The following SPTSSA variants were observed in gnomAD, a reference collection of about 807,000 sequenced individuals.
The protein encoded by SPTSSA is small subunit of serine palmitoyltransferase A.
In SPTSSA, 8 loss-of-function variants were observed where a neutral mutation model predicts 9.1. The observed-to-expected ratio is 0.88, with a 90% CI of 0.51 to 1.58. The LOEUF is 1.58. Among genes scored for constraint, SPTSSA ranks in the 40% most tolerant of loss-of-function variants. The probability of loss-of-function intolerance (pLI) is 0.00; values close to 1 mark genes in which losing one functional copy is unlikely to be tolerated. For synonymous variants in SPTSSA, 42 were observed against 37.7 expected (o/e 1.11, Z -0.41); for missense variants, 100 against 93.8 (o/e 1.07, Z -0.27).
chr14:34,442,149 T>C (rs1306633892), intron 1 of SPTSSA, among the ~76,000 whole-genome samples: 2 of 152,222 alleles, frequency 1.3e-5, no homozygotes, highest in African/African-American at 2.4e-5. Context: ...GTGCTGCCAT[T>C]ACAGGTGTGA....
At chr14:34,461,340 G>A (rs1259080927) in intron 1 of SPTSSA, among the ~76,000 whole-genome samples, 1 of 152,176 alleles carries the variant, frequency 6.6e-6, no homozygotes, top group African/African-American at 2.4e-5. Flanking sequence ...AGTTAGATGA[G>A]TTAAGATACA....
intron 1 of SPTSSA, among the ~76,000 whole-genome samples, chr14:34,449,542 A>T: frequency 8.0e-6 from 1 of 125,064 alleles, no homozygotes; most frequent in South Asian, 2.5e-4. Flanking sequence ...CTTGCTCTGT[A>T]TCCAGGCCTG....
rs1394981548 is a variant in SPTSSA, at chr14:34,435,160, G to A, written c.*41C>T. ...TGGTCTCATTCCAACTTCGTAGGGTGGGTCTTCCCCAAGGAACCTCTGATC... is the reference window on the plus strand; with the variant it reads ...TGGTCTCATTCCAACTTCGTAGGGTAGGTCTTCCCCAAGGAACCTCTGATC... On this transcript the variant is annotated 3_prime_UTR_variant, in exon 2 of 2. Coordinates refer to ENST00000298130, the MANE Select transcript of SPTSSA (RefSeq NM_138288.4). 2.0e-6 allele frequency: 3 copies of A among 1,519,854 alleles called. No individual in the cohort carries two copies. The highest frequency in any genetic ancestry group is 1.8e-6 in the Non-Finnish European group (2 of 1,099,382). 94.1% of individuals were successfully genotyped at this position (1,519,854 alleles called of 1,614,324 possible). A position where few individuals can be genotyped will look rare whatever the true frequency, so the allele number is the denominator to read the frequency against.
rs769896697 is a variant in SPTSSA, at chr14:34,435,623, CTTTTTTTTTT to C, written c.113-329_113-320del. Among the ~76,000 whole-genome samples, 21 of 92,444 alleles carry C rather than the reference CTTTTTTTTTT, an allele frequency of 2.3e-4. No individual in the cohort carries two copies. The South Asian group carries it at 2.7e-3, about 12-fold the overall frequency. The allele number at this position is 92,444 out of a possible 152,430, so 60.6% of individuals were successfully genotyped here. A position where few individuals can be genotyped will look rare whatever the true frequency, so the allele number is the denominator to read the frequency against. On this transcript the variant is annotated intron_variant, in intron 1 of 1. Coordinates refer to ENST00000298130, the MANE Select transcript of SPTSSA (RefSeq NM_138288.4). The stretch of plus-strand genomic sequence containing the variant: ...CAAATGTTTTTGTTTGTTTGTTTCT[CTTTTTTTTTT>C]TTTTTTTTTTTTGAGACAGAGTTTT...
At chr14:34,458,974 G>C (rs1175316247) in intron 1 of SPTSSA, among the ~76,000 whole-genome samples, 18 of 143,152 alleles carry the variant, frequency 1.3e-4, no homozygotes, top group Non-Finnish European at 1.8e-4. Flanking sequence ...GCGTGATCTC[G>C]GCTCACTGCA....
rs61748988 is a variant in SPTSSA, at chr14:34,435,294, C to A, written c.123G>T (p.Leu41=). 2.5e-6 allele frequency: 4 copies of A among 1,610,668 alleles called. No homozygotes were observed. The highest frequency in any genetic ancestry group is 3.4e-6 in the Non-Finnish European group (4 of 1,177,914). ...PWERTVFNSM[L]VSIVGMALYT... is the part of the protein sequence containing the mutation. ...ATAGTGCCATCCCCACAATGGAAAC[C>A]AGCATGGAATCTGAGTTGTAGTTAA... The change falls in exon 2 of 2, where the codon CTG becomes CTT. Residue 41 remains leucine (L), a synonymous_variant. Coordinates refer to ENST00000298130, the MANE Select transcript of SPTSSA (RefSeq NM_138288.4).
At chr14:34,449,254 G>T (rs554176053) in intron 1 of SPTSSA, among the ~76,000 whole-genome samples, 2 of 152,090 alleles carry the variant, frequency 1.3e-5, no homozygotes, top group African/African-American at 4.8e-5. Context: ...AATTAGCCAG[G>T]CATGGTGATA....
intron 1 of SPTSSA, among the ~76,000 whole-genome samples, chr14:34,438,527 C>A (rs573990892): frequency 6.6e-6 from 1 of 152,108 alleles, no homozygotes; most frequent in African/African-American, 2.4e-5. Flanking sequence ...TACCTACTTA[C>A]GGTACATTTC....
intron 1 of SPTSSA, among the ~76,000 whole-genome samples, chr14:34,459,272 C>T (rs1269204772): frequency 7.1e-6 from 1 of 141,692 alleles, no homozygotes; most frequent in Non-Finnish European, 1.5e-5. Flanking sequence ...CCCACCCCCA[C>T]CCCACCCCCA....
At chr14:34,450,582 G>C (rs909935118) in intron 1 of SPTSSA, among the ~76,000 whole-genome samples, 5 of 150,992 alleles carry the variant, frequency 3.3e-5, no homozygotes, top group Admixed American at 2.6e-4. Context: ...TCTAGAGGGG[G>C]TTCCATGACT....
chr14:34,441,838 T>G (rs919735956), intron 1 of SPTSSA, among the ~76,000 whole-genome samples: 1 of 152,084 alleles, frequency 6.6e-6, no homozygotes, highest in Admixed American at 6.6e-5. Context: ...TCCATTTTTT[T>G]TTTTCCTTTC....
intron 1 of SPTSSA, among the ~76,000 whole-genome samples, chr14:34,439,503 T>TA (rs1364001694): frequency 2.6e-5 from 4 of 151,412 alleles, no homozygotes; most frequent in Admixed American, 1.3e-4. Context: ...TAACTTAAAA[T>TA]AAAAAAAAGA....
At chr14:34,461,959 T>A in intron 1 of SPTSSA, 137 bp downstream of exon 1, 2 of 123,090 alleles carry the variant, frequency 1.6e-5, no homozygotes, top group Admixed American at 7.2e-4. Context: ...GACCTCCCCC[T>A]GCACCCCCGG....
At chr14:34,457,915 T>C (rs1422224492) in intron 1 of SPTSSA, among the ~76,000 whole-genome samples, 15 of 134,880 alleles carry the variant, frequency 1.1e-4, no homozygotes. Flanking sequence ...GAGGCTGCAG[T>C]GAACCGAGAT....
At position 34,433,593 on chromosome 14, in the gene SPTSSA, A is replaced by T. The variant is rs1566419910; in HGVS notation, c.*1608T>A. Reference sequence around the variant, plus strand: ...GTATCAATTGGCTCTAAAAATATTAAACACATATATATTACTTGAGACCTC... The same window carrying T: ...GTATCAATTGGCTCTAAAAATATTATACACATATATATTACTTGAGACCTC... On this transcript the variant is annotated 3_prime_UTR_variant, in exon 2 of 2. Coordinates refer to ENST00000298130, the MANE Select transcript of SPTSSA (RefSeq NM_138288.4). 6.6e-6 allele frequency: 1 copy of T among 152,156 alleles called. No homozygotes were observed. Among genetic ancestry groups the T allele is most frequent in the Non-Finnish European group, 1.5e-5 (1 of 68,038 alleles). The allele number at this position is 152,156 out of a possible 1,614,324, so 9.4% of individuals were successfully genotyped here. A position where few individuals can be genotyped will look rare whatever the true frequency, so the allele number is the denominator to read the frequency against.
chr14:34,435,190 T>G lies in SPTSSA; in HGVS notation c.*11A>C, dbSNP rs776081101. The G allele has an allele frequency of 1.2e-6, 2 of 1,608,578 alleles. No homozygotes were observed. Among genetic ancestry groups the G allele is most frequent in the Non-Finnish European group, 1.7e-6 (2 of 1,175,912 alleles). On this transcript the variant is annotated 3_prime_UTR_variant, in exon 2 of 2. Transcript: ENST00000298130. ...TTCCCCAAGGAACCTCTGATCCTGGTCGCATCTTGGTCATTGTACGATTTC... is the reference window on the plus strand; with the variant it reads ...TTCCCCAAGGAACCTCTGATCCTGGGCGCATCTTGGTCATTGTACGATTTC...
intron 1 of SPTSSA, among the ~76,000 whole-genome samples, chr14:34,461,356 C>G (rs1252794452): frequency 6.6e-6 from 1 of 152,176 alleles, no homozygotes; most frequent in Non-Finnish European, 1.5e-5. Flanking sequence ...ATACAGACAA[C>G]GTGCTTTGCA....
At chr14:34,457,865 G>A (rs1878514959) in intron 1 of SPTSSA, among the ~76,000 whole-genome samples, 1 of 151,402 alleles carries the variant, frequency 6.6e-6, no homozygotes, top group South Asian at 2.1e-4. Context: ...CCAGCTACTT[G>A]GGAGGCTGAG....
rs909212031 is a variant in SPTSSA at position 34,434,810 on chromosome 14, T to C, written c.*391A>G. On this transcript the variant is annotated 3_prime_UTR_variant, in exon 2 of 2. Coordinates refer to ENST00000298130, the MANE Select transcript of SPTSSA (RefSeq NM_138288.4). ...TATATCCAGGCAGATGTATATGCCA[T>C]ACAATAGCAAGAACAGTAAAGCCCA... 6 of 155,630 alleles carry C rather than the reference T, an allele frequency of 3.9e-5. No individual in the cohort carries two copies. Among genetic ancestry groups the C allele is most frequent in the African/African-American group, 1.4e-4 (6 of 41,504 alleles). 9.6% of individuals were successfully genotyped at this position (155,630 alleles called of 1,614,324 possible).
Sources: gnomAD v4.1 joint callset for allele counts (sites outside exome capture counted in the v4.1 genomes callset) on GRCh38, gnomAD v4.1.1 for gene constraint, MANE v1.5 for transcripts, NCBI Gene and HGNC (gene_info 2026-07-23, HGNC 2026-07-21) for gene names.